Variants in KIF13B observed in about 807,000 individuals in gnomAD.
KIF13B encodes the protein kinesin family member 13B.
A neutral mutation model predicts 222.0 loss-of-function variants in KIF13B; 127 were observed. The observed-to-expected ratio is 0.57, with a 90% CI of 0.50 to 0.66. The LOEUF is 0.66. Ranked by LOEUF, KIF13B falls within the 30% of genes least tolerant of loss-of-function variation. The pLI is 0.00. For synonymous variants in KIF13B, 976 were observed against 919.0 expected (o/e 1.06, Z -1.12); for missense variants, 2,173 against 2,379.0 (o/e 0.91, Z 1.80).
At chr8:29,161,583 C>A (rs1203930059) in intron 12 of KIF13B, among the ~76,000 whole-genome samples, 1 of 151,978 alleles carries the variant, frequency 6.6e-6, no homozygotes, top group African/African-American at 2.4e-5. Flanking sequence ...GTAATCCCAG[C>A]TACTCGGGAA....
chr8:29,188,149 A>G (rs1226820531), intron 5 of KIF13B, among the ~76,000 whole-genome samples: 1 of 151,988 alleles, frequency 6.6e-6, no homozygotes, highest in Non-Finnish European at 1.5e-5. Flanking sequence ...CTTCTTAGTT[A>G]TTACTGGTGA....
intron 36 of KIF13B, among the ~76,000 whole-genome samples, chr8:29,093,912 AAG>A (rs1186654003): frequency 6.6e-6 from 1 of 152,254 alleles, no homozygotes; most frequent in Non-Finnish European, 1.5e-5. Context: ...TGAGAAAAAT[AAG>A]AGAGGAGACA....
At chr8:29,255,218 G>C (rs1414369514) in intron 1 of KIF13B, among the ~76,000 whole-genome samples, 1 of 152,156 alleles carries the variant, frequency 6.6e-6, no homozygotes, top group Non-Finnish European at 1.5e-5. Context: ...ACTAATAATG[G>C]CTGCACAAGT....
chr8:29,107,406 T>A (rs1809124021), intron 35 of KIF13B, among the ~76,000 whole-genome samples: 1 of 151,908 alleles, frequency 6.6e-6, no homozygotes, highest in Non-Finnish European at 1.5e-5. Context: ...CATGCACCTG[T>A]AATCCCAGCT....
intron 1 of KIF13B, among the ~76,000 whole-genome samples, chr8:29,248,807 C>T (rs190252488): frequency 1.3e-3 from 202 of 152,282 alleles, no homozygotes; most frequent in Admixed American, 1.9e-3. Context: ...TTGTATGATT[C>T]CACTTACTTG....
chr8:29,159,680 G>C (rs1485035465), intron 13 of KIF13B, among the ~76,000 whole-genome samples: 10 of 152,176 alleles, frequency 6.6e-5, no homozygotes, highest in Non-Finnish European at 1.5e-4. Flanking sequence ...GTAGACTAGA[G>C]AGACAGGTCA....
chr8:29,132,041 G>A (rs1263008633), intron 23 of KIF13B, among the ~76,000 whole-genome samples: 1 of 152,184 alleles, frequency 6.6e-6, no homozygotes, highest in African/African-American at 2.4e-5. Context: ...GAGGTCAGGA[G>A]TTCAAGACCA....
rs1018452157 is a variant in KIF13B at position 29,245,431 on chromosome 8, A to C, written c.64T>G (p.Leu22Val). 1 of 1,593,912 alleles carries C rather than the reference A, an allele frequency of 6.3e-7. No individual in the cohort carries two copies. Among genetic ancestry groups the C allele is most frequent in the African/African-American group, 1.3e-5 (1 of 74,802 alleles). The part of the protein sequence containing the change: ...IRPMNRRETD[L>V]HTKCVVDVDA... ...ACATCCACCACACATTTGGTATGCA[A>C]GTCAGTCTCTGTGGATAAAAAAACA... is the stretch of plus-strand genomic sequence containing the variant. Residue 22 changes from leucine to valine, a missense_variant, in exon 2 of 40, where the codon TTG becomes GTG. Transcript: ENST00000524189.
intron 21 of KIF13B, among the ~76,000 whole-genome samples, chr8:29,135,555 A>G (rs2129873595): frequency 6.6e-6 from 1 of 152,328 alleles, no homozygotes; most frequent in Non-Finnish European, 1.5e-5. Flanking sequence ...TACCTCCAGT[A>G]AATACAGTTA....
At position 29,092,838 on chromosome 8, in the gene KIF13B, T is replaced by A; in HGVS notation, c.4365A>T (p.Lys1455Asn). The A allele has an allele frequency of 1.2e-6, 2 of 1,612,510 alleles. No homozygotes were observed. The highest frequency in any genetic ancestry group is 8.5e-7 in the Non-Finnish European group (1 of 1,179,334). Residue 1455 changes from lysine to asparagine, a missense_variant, in exon 37 of 40, where the codon AAA becomes AAT. Lys to Asn is a moderately conservative substitution (Grantham distance 94). Transcript: ENST00000524189. Reference sequence around the variant, plus strand: ...GCTTTGGCATTTGCGGCACGAAGGATTTGACAGGATTCAAGTAGGATGCTG... The same window carrying A: ...GCTTTGGCATTTGCGGCACGAAGGAATTGACAGGATTCAAGTAGGATGCTG... ...NLAASYLNPV[K>N]SFVPQMPKLL...
Position 29,094,875 on chromosome 8 carries a change from A to C in KIF13B, c.4325-1997T>G, listed in dbSNP as rs190425594. ...AATGGAAATTCTAGAACTGAAAAAA[A>C]AACAATGACTGAAATGAAAAAATTC... On this transcript the variant is annotated intron_variant, in intron 36 of 39. Transcript: ENST00000524189. Among the ~76,000 whole-genome samples the C allele has an allele frequency of 2.5e-3, 383 of 152,316 alleles. 1 individual carries two copies. The highest frequency in any genetic ancestry group is 6.8e-3 in the Middle Eastern group (2 of 294).
chr8:29,180,284 T>C (rs1348744423), intron 7 of KIF13B, 46 bp from the exon 8 acceptor site: 2 of 1,595,644 alleles, frequency 1.3e-6, no homozygotes, highest in Admixed American at 1.7e-5. Flanking sequence ...ACTTGTGTAA[T>C]ACACACTAAA....
At chr8:29,211,205 T>A (rs1814207042) in intron 2 of KIF13B, among the ~76,000 whole-genome samples, 1 of 152,228 alleles carries the variant, frequency 6.6e-6, no homozygotes, top group South Asian at 2.1e-4. Context: ...CTTGTTTCCA[T>A]GCATTGTTTG....
At chr8:29,143,911 CAA>C (rs200101742) in intron 18 of KIF13B, among the ~76,000 whole-genome samples, 1 of 151,360 alleles carries the variant, frequency 6.6e-6, no homozygotes, top group East Asian at 1.9e-4. Flanking sequence ...ACCTCCCCCC[CAA>C]AAAAAGTATG....
chr8:29,144,698 C>T (rs1476938313), intron 18 of KIF13B, among the ~76,000 whole-genome samples: 2 of 152,098 alleles, frequency 1.3e-5, no homozygotes, highest in Admixed American at 1.3e-4. Context: ...TAGCAACGGG[C>T]AATATGGTGC....
Position 29,180,088 on chromosome 8 carries a change from G to A in KIF13B, c.720+16C>T, listed in dbSNP as rs745698959. ...CTTTAGAAATATAAAAACAGGTCAT[G>A]CATCTGAACACCTACCCCAGACTTC... On this transcript the variant is annotated intron_variant, in intron 8 of 39. Coordinates refer to ENST00000524189, the MANE Select transcript of KIF13B (RefSeq NM_015254.4). 2.4e-5 allele frequency: 38 copies of A among 1,612,792 alleles called. No individual in the cohort carries two copies. The South Asian group carries it at 3.0e-4, about 13-fold the overall frequency.
chr8:29,262,899 AC>A (rs1326434273), intron 1 of KIF13B, 80 bp downstream of exon 1: 8 of 1,080,484 alleles, frequency 7.4e-6, no homozygotes, highest in African/African-American at 5.3e-5. Flanking sequence ...GGGCCGCCGG[AC>A]CCCCCACGGC....
chr8:29,177,720 AGCAAAATCCT>A (rs1812541204), intron 8 of KIF13B, 142 bp from the exon 9 acceptor site: 1 of 646,990 alleles, frequency 1.5e-6, no homozygotes. Context: ...TGGGCAACAC[AGCAAAATCCT>A]GTCTCCACAA....
chr8:29,146,721 C>T (rs1479988690), intron 17 of KIF13B, among the ~76,000 whole-genome samples, 181 bp from the exon 18 acceptor site: 1 of 152,154 alleles, frequency 6.6e-6, no homozygotes, highest in Non-Finnish European at 1.5e-5. Flanking sequence ...ACCTCAACTA[C>T]ACGATAAGCA....
Sources: gnomAD v4.1 joint callset for allele counts (sites outside exome capture counted in the v4.1 genomes callset) on GRCh38, gnomAD v4.1.1 for gene constraint, MANE v1.5 for transcripts, NCBI Gene and HGNC (gene_info 2026-07-23, HGNC 2026-07-21) for gene names.